Variants in SIM1 observed in about 807,000 individuals in gnomAD.
The protein encoded by SIM1 is single-minded homolog 1.
Under a neutral mutation model 78.2 loss-of-function variants are expected in SIM1, and 18 were observed. The observed-to-expected ratio is 0.23, with a 90% CI of 0.16 to 0.34. SIM1 has a LOEUF of 0.34. SIM1 is among the 10% of genes least tolerant of loss of function. The pLI is 1.00. For missense variants in SIM1, 939 were observed against 975.1 expected (o/e 0.96, Z 0.49); for synonymous variants, 417 against 385.2 (o/e 1.08, Z -0.97).
chr6:100,393,766 C>A lies in SIM1; in HGVS notation c.1291G>T (p.Asp431Tyr), dbSNP rs1238799435. 1.9e-6 allele frequency: 3 copies of A among 1,614,190 alleles called. No homozygotes were observed. The highest frequency in any genetic ancestry group is 1.1e-5 in the South Asian group (1 of 91,070). The change falls in exon 11 of 12, where the codon GAC becomes TAC. Residue 431 changes from aspartate to tyrosine, a missense_variant. Asp to Tyr is a radical substitution (Grantham distance 160, BLOSUM62 -3). Coordinates refer to ENST00000369208, the MANE Select transcript of SIM1 (RefSeq NM_005068.3). ...AACTGTCTGTAGGCGCACGATGCGT[C>A]GTGCTGGGAGCCAGGCCTATCGGCG... ...DPADRPGSQHDASCAYRQFSD... is the reference protein window; with the variant it reads ...DPADRPGSQHYASCAYRQFSD...
chr6:100,398,325 T>C lies in SIM1; in HGVS notation c.1168-4436A>G, dbSNP rs185413270. 1.6e-3 allele frequency among the ~76,000 whole-genome samples: 250 copies of C among 152,266 alleles called. 1 individual carries two copies. The highest frequency in any genetic ancestry group is 5.2e-3 in the African/African-American group (217 of 41,566). ...ATCCAGTTTTAAGTATACAGTTCAG[T>C]GGCATTAAGTACATTCATGGTGCCA... On this transcript the variant is annotated intron_variant, in intron 10 of 11. Transcript: ENST00000369208.
chr6:100,449,309 C>T (rs918992447), intron 6 of SIM1, 54 bp downstream of exon 6: 12 of 1,478,774 alleles, frequency 8.1e-6, no homozygotes, highest in African/African-American at 4.1e-5. Flanking sequence ...GCCGCACGCG[C>T]CTTGCTTCCC....
In SIM1 at chr6:100,386,492, A is replaced by T. The variant is rs1770517284; in HGVS notation, c.*3869T>A. 6.6e-6 allele frequency: 1 copy of T among 152,002 alleles called. No homozygotes were observed. Among genetic ancestry groups the T allele is most frequent in the Non-Finnish European group, 1.5e-5 (1 of 67,906 alleles). 9.4% of individuals were successfully genotyped at this position (152,002 alleles called of 1,614,324 possible). A position where few individuals can be genotyped will look rare whatever the true frequency, so the allele number is the denominator to read the frequency against. ...TCAAACTTACTTGGTTTAGATCTTG[A>T]GGGCGGAAATCTTGTATTTCATTTT... On this transcript the variant is annotated 3_prime_UTR_variant, in exon 12 of 12. Transcript: ENST00000369208.
chr6:100,403,936 G>A (rs1413998014), intron 10 of SIM1, among the ~76,000 whole-genome samples: 5 of 152,156 alleles, frequency 3.3e-5, no homozygotes, highest in East Asian at 1.9e-4. Context: ...AAGTTTAAGA[G>A]GGGACATGTA....
At chr6:100,392,511 C>T (rs897161911) in intron 11 of SIM1, among the ~76,000 whole-genome samples, 3 of 152,184 alleles carry the variant, frequency 2.0e-5, no homozygotes, top group Non-Finnish European at 4.4e-5. Context: ...AGTGATTGCC[C>T]TTTGCTCTGG....
At chr6:100,404,501 G>A (rs1771004643) in intron 10 of SIM1, among the ~76,000 whole-genome samples, 1 of 151,950 alleles carries the variant, frequency 6.6e-6, no homozygotes, top group Admixed American at 6.6e-5. Context: ...GATGCAGACT[G>A]CATTGTACTA....
At chr6:100,416,325 A>C (rs1771399972) in intron 10 of SIM1, among the ~76,000 whole-genome samples, 1 of 152,198 alleles carries the variant, frequency 6.6e-6, no homozygotes, top group Non-Finnish European at 1.5e-5. Context: ...AAATAATTCC[A>C]AAAAGCAGTG....
intron 9 of SIM1, among the ~76,000 whole-genome samples, chr6:100,433,676 C>T (rs940044772): frequency 5.9e-5 from 9 of 151,708 alleles, no homozygotes; most frequent in East Asian, 1.9e-4. Context: ...GGTCGAGGTG[C>T]GGTGAACCAT....
At chr6:100,409,142 T>C (rs972585532) in intron 10 of SIM1, among the ~76,000 whole-genome samples, 2 of 152,142 alleles carry the variant, frequency 1.3e-5, no homozygotes, top group Admixed American at 6.5e-5. Flanking sequence ...TTAGGGTACA[T>C]GTGCACAACG....
intron 9 of SIM1, among the ~76,000 whole-genome samples, chr6:100,429,825 C>G (rs899640378): frequency 6.6e-6 from 1 of 152,084 alleles, no homozygotes; most frequent in African/African-American, 2.4e-5. Flanking sequence ...TTTCTTCTTT[C>G]TGTATATTAA....
intron 10 of SIM1, among the ~76,000 whole-genome samples, chr6:100,416,445 G>A (rs1771403252): frequency 6.6e-6 from 1 of 152,152 alleles, no homozygotes; most frequent in Non-Finnish European, 1.5e-5. Context: ...CACCATTTAT[G>A]TAAGTAGCTA....
intron 10 of SIM1, among the ~76,000 whole-genome samples, chr6:100,397,707 A>G (rs1770801900): frequency 6.6e-6 from 1 of 152,084 alleles, no homozygotes; most frequent in Non-Finnish European, 1.5e-5. Context: ...CTTTTGCTCC[A>G]AAAAAGACCC....
intron 2 of SIM1, among the ~76,000 whole-genome samples, chr6:100,456,406 T>C (rs1736525786): frequency 6.6e-6 from 1 of 152,198 alleles, no homozygotes; most frequent in African/African-American, 2.4e-5. Flanking sequence ...TGATTGTCTG[T>C]TTAAAATGAG....
intron 9 of SIM1, chr6:100,437,197 A>T (rs1392808007): frequency 3.9e-5 from 6 of 152,210 alleles, no homozygotes; most frequent in Admixed American, 3.9e-4. Flanking sequence ...AAATATTATG[A>T]TACCTCATTT....
At chr6:100,437,933 T>A (rs115401555) in intron 9 of SIM1, among the ~76,000 whole-genome samples, 9 of 152,176 alleles carry the variant, frequency 5.9e-5, no homozygotes, top group African/African-American at 2.2e-4. Flanking sequence ...CAGTTCTGGA[T>A]CCCCGTCTCT....
intron 10 of SIM1, among the ~76,000 whole-genome samples, chr6:100,413,398 C>A (rs1011450175): frequency 2.0e-5 from 3 of 152,178 alleles, no homozygotes; most frequent in African/African-American, 7.2e-5. Flanking sequence ...CTTTACTGCC[C>A]CAAAATGTCT....
At chr6:100,410,930 A>G (rs1393132297) in intron 10 of SIM1, among the ~76,000 whole-genome samples, 1 of 152,222 alleles carries the variant, frequency 6.6e-6, no homozygotes, top group Non-Finnish European at 1.5e-5. Flanking sequence ...TGACCCTCAC[A>G]AGGCCTTTTA....
At chr6:100,453,659 GT>G (rs375390946) in intron 3 of SIM1, 102 bp downstream of exon 3, 1,485 of 779,754 alleles carry the variant, frequency 1.9e-3, no homozygotes, top group South Asian at 2.5e-3. Flanking sequence ...GGGGTTGTTT[GT>G]TTTTTTTTTG....
intron 9 of SIM1, among the ~76,000 whole-genome samples, chr6:100,436,244 G>T (rs1362472255): frequency 6.6e-6 from 1 of 152,162 alleles, no homozygotes; most frequent in Non-Finnish European, 1.5e-5. Context: ...CTAGGATACA[G>T]CTTGGACATA....
Sources: gnomAD v4.1 joint callset for allele counts (sites outside exome capture counted in the v4.1 genomes callset) on GRCh38, gnomAD v4.1.1 for gene constraint, MANE v1.5 for transcripts, NCBI Gene and HGNC (gene_info 2026-07-23, HGNC 2026-07-21) for gene names.